Variants in FAM234A observed in about 807,000 individuals in gnomAD.
The protein encoded by FAM234A is protein FAM234A.
FAM234A carries 42 observed loss-of-function variants against 49.1 expected under a neutral mutation model. The ratio of observed to expected loss-of-function variants is 0.86; its 90% CI spans 0.67 to 1.11. The LOEUF is 1.11. Among genes scored for constraint, FAM234A ranks in the 50% least tolerant of loss-of-function variants. The pLI is 0.00. For synonymous variants in FAM234A, 369 were observed against 316.2 expected, an observed-to-expected ratio of 1.17 and a Z score of -1.77; for missense variants, 815 against 745.2, an observed-to-expected ratio of 1.09 and a Z score of -1.09.
chr16:235,950 C>G (rs1180389927), intron 1 of FAM234A, among the ~76,000 whole-genome samples: 2 of 148,986 alleles, frequency 1.3e-5, no homozygotes, highest in African/African-American at 2.5e-5. Context: ...GTCAGGAGTT[C>G]GAGACCAGCA....
In FAM234A at chr16:251,042, C is replaced by T. The variant is rs180724134; in HGVS notation, c.-34+1388C>T. On this transcript the variant is annotated intron_variant, in intron 2 of 12. Coordinates refer to ENST00000399932, the MANE Select transcript of FAM234A (RefSeq NM_032039.4). ...TGCAATCTTGGCTCACTGCAACTTC[C>T]ACCTCCCGGGTTCAAGCGATTCTCC... Among the ~76,000 whole-genome samples the T allele has an allele frequency of 3.0e-3, 458 of 152,220 alleles. 3 individuals carry two copies. The highest frequency in any genetic ancestry group is 0.01 in the African/African-American group (420 of 41,526).
At chr16:258,536 A>G (rs2051329756) in intron 3 of FAM234A, among the ~76,000 whole-genome samples, 1 of 152,198 alleles carries the variant, frequency 6.6e-6, no homozygotes, top group Admixed American at 6.5e-5. Flanking sequence ...CAAAATGAAA[A>G]GTCTCCCATG....
At chr16:260,437 G>A in intron 5 of FAM234A, 2 of 525,334 alleles carry the variant, frequency 3.8e-6, no homozygotes, top group Non-Finnish European at 7.2e-6. Flanking sequence ...CACCTGCCAT[G>A]GGGTAGCAGA....
intron 5 of FAM234A, chr16:261,127 G>A (rs970389975): frequency 2.7e-5 from 11 of 402,978 alleles, no homozygotes; most frequent in Non-Finnish European, 5.0e-5. Flanking sequence ...GAATGAGGCT[G>A]TCAGCGTTTG....
chr16:235,829 G>A (rs377137827), intron 1 of FAM234A, among the ~76,000 whole-genome samples: 3 of 152,104 alleles, frequency 2.0e-5, no homozygotes, highest in Admixed American at 2.0e-4. Flanking sequence ...TCTACTGGAG[G>A]GTACAGATAG....
chr16:267,409 C>T (rs1239237718), downstream of FAM234A, among the ~76,000 whole-genome samples: 1 of 152,068 alleles, frequency 6.6e-6, no homozygotes, highest in African/African-American at 2.4e-5. Flanking sequence ...GGGACCTGCC[C>T]CCTCCCTCAC....
downstream of FAM234A, among the ~76,000 whole-genome samples, chr16:267,279 C>T (rs907765007): frequency 2.4e-4 from 37 of 152,080 alleles, no homozygotes; most frequent in Non-Finnish European, 1.5e-5. Flanking sequence ...CTACCCTGCT[C>T]ACCCTAGCCC....
In FAM234A at chr16:260,161, G is replaced by A; in HGVS notation, c.577+1G>A. On this transcript the variant is annotated splice_donor_variant, in intron 5 of 12. Transcript: ENST00000399932. LOFTEE classifies it high-confidence loss of function. ...TTCATTGCAGTCAACTTGTTCACAG[G>A]TAGGCCAGCCAGGCAGCGGGGTTCT... The A allele has an allele frequency of 6.2e-7, 1 of 1,613,194 alleles. No individual in the cohort carries two copies. Among genetic ancestry groups the A allele is most frequent in the South Asian group, 1.1e-5 (1 of 91,054 alleles).
At chr16:266,568 T>G (rs754654842), downstream of FAM234A, among the ~76,000 whole-genome samples, 11 of 152,222 alleles carry the variant, frequency 7.2e-5, no homozygotes, top group Non-Finnish European at 1.3e-4. Flanking sequence ...TAGAGAGCCC[T>G]GCAGGACTGT....
intron 3 of FAM234A, among the ~76,000 whole-genome samples, chr16:254,934 C>G (rs1332350662): frequency 6.6e-6 from 1 of 152,234 alleles, no homozygotes; most frequent in Admixed American, 6.5e-5. Flanking sequence ...CAGCTCACCG[C>G]TACTTCTGCC....
chr16:236,067 C>G (rs775176396), intron 1 of FAM234A, among the ~76,000 whole-genome samples: 4 of 152,094 alleles, frequency 2.6e-5, no homozygotes, highest in Non-Finnish European at 4.4e-5. Context: ...ATTCTCCCCA[C>G]TCAGCCTCCC....
At chr16:262,331 C>G in intron 7 of FAM234A, 93 bp from the exon 8 acceptor site, 6 of 1,565,092 alleles carry the variant, frequency 3.8e-6, no homozygotes, top group Non-Finnish European at 5.2e-6. Context: ...AGTCAGGAAG[C>G]CCAGGGGCCT....
chr16:252,282 A>C (rs2051051154), intron 2 of FAM234A, among the ~76,000 whole-genome samples: 1 of 150,776 alleles, frequency 6.6e-6, no homozygotes, highest in Non-Finnish European at 1.5e-5. Flanking sequence ...CCCAGGTTCA[A>C]GCCATTCTCC....
chr16:259,547 T>G lies in FAM234A; in HGVS notation c.333T>G (p.Leu111=). 6.2e-7 allele frequency: 1 copy of G among 1,613,246 alleles called. No individual in the cohort carries two copies. The highest frequency in any genetic ancestry group is 8.5e-7 in the Non-Finnish European group (1 of 1,179,146). ...NGDRIQDVLF[L]YKNTNSSNNF... is the part of the protein sequence containing the mutation. ...ACAGGATCCAAGATGTTCTTTTTCT[T>G]TATAAAAACACCAACAGCAGCAACA... Residue 111 remains leucine, a synonymous_variant, in exon 4 of 13, where the codon CTT becomes CTG. Coordinates refer to ENST00000399932, the MANE Select transcript of FAM234A (RefSeq NM_032039.4).
At chr16:237,081 A>ATTTT (rs2050431921) in intron 1 of FAM234A, among the ~76,000 whole-genome samples, 1 of 150,426 alleles carries the variant, frequency 6.6e-6, no homozygotes, top group African/African-American at 2.5e-5. Flanking sequence ...ATTTTTTTAA[A>ATTTT]AAAATATGTA....
intron 1 of FAM234A, among the ~76,000 whole-genome samples, chr16:243,890 C>T (rs1449387651): frequency 6.6e-6 from 1 of 152,270 alleles, no homozygotes; most frequent in East Asian, 1.9e-4. Context: ...TAAACTCTGG[C>T]ATTTGCTCAG....
At chr16:244,241 TACAGGCGTGAGCCACCGC>T in intron 1 of FAM234A, among the ~76,000 whole-genome samples, 1 of 152,232 alleles carries the variant, frequency 6.6e-6, no homozygotes, top group Non-Finnish European at 1.5e-5. Flanking sequence ...GTGCTGGGAT[TACAGGCGTGAGCCACCGC>T]GCCCGGTCGG....
At chr16:258,645 G>A (rs1438843032) in intron 3 of FAM234A, among the ~76,000 whole-genome samples, 2 of 152,146 alleles carry the variant, frequency 1.3e-5, no homozygotes, top group Non-Finnish European at 2.9e-5. Context: ...TTGTCATCAT[G>A]GCCCGTTCTC....
At chr16:260,686 C>T (rs986682063) in intron 5 of FAM234A, 7 of 466,974 alleles carry the variant, frequency 1.5e-5, no homozygotes, top group Non-Finnish European at 3.1e-5. Context: ...CACCTCATCG[C>T]GGTCTGGAAG....
Sources: allele counts gnomAD v4.1 joint callset (sites outside exome capture counted in the v4.1 genomes callset), GRCh38; gene constraint gnomAD v4.1.1; transcripts MANE v1.5; gene names NCBI Gene and HGNC (gene_info 2026-07-23, HGNC 2026-07-21).